GRIP1: variants seen among roughly 807,000 people sequenced by gnomAD.
GRIP1 encodes glutamate receptor interacting protein 1, also known as glutamate receptor-interacting protein 1.
GRIP1 carries 45 observed loss-of-function variants against 129.9 expected under a neutral mutation model. The ratio of observed to expected loss-of-function variants is 0.35; its 90% CI spans 0.27 to 0.44. GRIP1 has a LOEUF of 0.44. GRIP1 is among the 20% of genes least tolerant of loss of function. The pLI is 1.00. For synonymous variants in GRIP1, 530 were observed against 520.8 expected (o/e 1.02, Z -0.24); for missense variants, 1,196 against 1,396.8 (o/e 0.86, Z 2.29).
intron 16 of GRIP1, among the ~76,000 whole-genome samples, chr12:66,401,058 A>G (rs897967928): frequency 6.6e-6 from 1 of 152,234 alleles, no homozygotes; most frequent in African/African-American, 2.4e-5. Context: ...ACATTCCTTC[A>G]GTAATGGAAG....
chr12:66,695,471 C>A (rs1027432150), intron 1 of GRIP1, among the ~76,000 whole-genome samples: 1 of 152,066 alleles, frequency 6.6e-6, no homozygotes, highest in Admixed American at 6.6e-5. Flanking sequence ...GTGGTTGGCT[C>A]CACTCCTCCT....
intron 22 of GRIP1, among the ~76,000 whole-genome samples, chr12:66,373,070 C>A (rs1672303060): frequency 6.6e-6 from 1 of 152,042 alleles, no homozygotes; most frequent in African/African-American, 2.4e-5. Context: ...ACTGTTACTT[C>A]TCTCAATTTA....
chr12:66,908,911 T>G (rs1226041730), intron 1 of GRIP1, among the ~76,000 whole-genome samples: 1 of 152,158 alleles, frequency 6.6e-6, no homozygotes, highest in African/African-American at 2.4e-5. Context: ...AAGCCTGCAT[T>G]GCCATCAAGA....
At position 66,445,372 on chromosome 12, in the gene GRIP1, G is replaced by T. The variant is rs778771382; in HGVS notation, c.1491C>A (p.Leu497=). ...LQGSVFATET[L]SSPPLISYIE... is the part of the protein sequence containing the mutation. ...TATAGGAAATCAGAGGTGGAGAAGA[G>T]AGAGTTTCTGTGGCAAACACACTGC... is the stretch of plus-strand genomic sequence containing the variant. The change falls in exon 12 of 25, where the codon CTC becomes CTA. Residue 497 remains leucine, a synonymous_variant. Coordinates refer to ENST00000359742, the MANE Select transcript of GRIP1 (RefSeq NM_001366722.1). 4 of 1,614,220 alleles carry T rather than the reference G, an allele frequency of 2.5e-6. No individual in the cohort carries two copies. The highest frequency in any genetic ancestry group is 3.4e-6 in the Non-Finnish European group (4 of 1,180,018).
intron 2 of GRIP1, among the ~76,000 whole-genome samples, chr12:66,579,270 C>G (rs1434852696): frequency 1.3e-5 from 2 of 152,138 alleles, no homozygotes; most frequent in African/African-American, 2.4e-5. Flanking sequence ...ACATCACCAT[C>G]ATCAAAGACC....
At chr12:66,986,980 C>T (rs1049607222) in intron 1 of GRIP1, among the ~76,000 whole-genome samples, 4 of 152,078 alleles carry the variant, frequency 2.6e-5, no homozygotes, top group Admixed American at 1.3e-4. Context: ...TATATAAGAA[C>T]TTTACCTGTT....
At chr12:66,636,713 CTCTGTGTG>C (rs1157865263) in intron 1 of GRIP1, among the ~76,000 whole-genome samples, 1 of 101,130 alleles carries the variant, frequency 9.9e-6, no homozygotes, top group Non-Finnish European at 2.0e-5. Flanking sequence ...GACATTAGAT[CTCTGTGTG>C]TGTGTGTGTG....
chr12:66,482,438 C>T (rs1296369368), intron 7 of GRIP1, among the ~76,000 whole-genome samples: 1 of 152,174 alleles, frequency 6.6e-6, no homozygotes, highest in African/African-American at 2.4e-5. Context: ...TACTGTTTTC[C>T]AGCATTATCC....
At chr12:66,787,921 C>T (rs554723768) in intron 1 of GRIP1, among the ~76,000 whole-genome samples, 8 of 152,146 alleles carry the variant, frequency 5.3e-5, no homozygotes, top group South Asian at 4.2e-4. Context: ...TCAGCCAAGG[C>T]GCCTTATTGT....
At position 66,455,511 on chromosome 12, in the gene GRIP1, T is replaced by G; in HGVS notation, c.1252A>C (p.Ser418Arg). The change falls in exon 11 of 25, where the codon AGT becomes CGT. Residue 418 changes from serine (S) to arginine (R), a missense_variant. By Grantham distance (110) the Ser-to-Arg change is moderately radical. Around this residue, in one of 5 missense-constraint regions of GRIP1, gnomAD observed 508 missense variants for 587.0 expected, o/e 0.87. Coordinates refer to ENST00000359742, the MANE Select transcript of GRIP1 (RefSeq NM_001366722.1). ...GGTAGAGTCCCCATGTTCAGGGAAC[T>G]CAGGCTGTATGCACTCATGGAGGTA... The part of the protein sequence containing the change: ...SPTSMSAYSL[S>R]SLNMGTLPRS... The G allele has an allele frequency of 1.2e-6, 2 of 1,613,860 alleles. No individual in the cohort carries two copies. Among genetic ancestry groups the G allele is most frequent in the Non-Finnish European group, 1.7e-6 (2 of 1,179,744 alleles).
intron 7 of GRIP1, among the ~76,000 whole-genome samples, chr12:66,473,894 T>TA (rs1342959958): frequency 6.6e-6 from 1 of 152,102 alleles, no homozygotes; most frequent in East Asian, 1.9e-4. Flanking sequence ...GCAAAAAGCC[T>TA]AAAAATTCAA....
At chr12:66,660,857 T>A (rs1214323007) in intron 1 of GRIP1, among the ~76,000 whole-genome samples, 2 of 152,096 alleles carry the variant, frequency 1.3e-5, no homozygotes, top group Non-Finnish European at 2.9e-5. Flanking sequence ...TTGCAGAGCA[T>A]CCAATAAATT....
intron 19 of GRIP1, among the ~76,000 whole-genome samples, chr12:66,391,046 A>G (rs947516374): frequency 6.6e-6 from 1 of 151,248 alleles, no homozygotes; most frequent in African/African-American, 2.4e-5. Flanking sequence ...TCTCCCTTCC[A>G]TTTTTGTTTT....
intron 1 of GRIP1, among the ~76,000 whole-genome samples, chr12:66,719,583 C>A (rs2035996868): frequency 6.6e-6 from 1 of 152,094 alleles, no homozygotes; most frequent in African/African-American, 2.4e-5. Flanking sequence ...TCATCTTTTT[C>A]CAATTTACCA....
chr12:66,735,748 C>A (rs2036574912), intron 1 of GRIP1, among the ~76,000 whole-genome samples: 1 of 152,096 alleles, frequency 6.6e-6, no homozygotes, highest in Non-Finnish European at 1.5e-5. Flanking sequence ...ATAAGCAGGG[C>A]AATCGATCAT....
At chr12:66,606,089 T>TAAC (rs2064513407) in intron 1 of GRIP1, among the ~76,000 whole-genome samples, 1 of 152,160 alleles carries the variant, frequency 6.6e-6, no homozygotes, top group Non-Finnish European at 1.5e-5. Context: ...CTTAAGTGTG[T>TAAC]AACGGCCTTA....
At chr12:66,627,466 G>A (rs2030220412) in intron 1 of GRIP1, among the ~76,000 whole-genome samples, 1 of 152,246 alleles carries the variant, frequency 6.6e-6, no homozygotes, top group South Asian at 2.1e-4. Context: ...TCTGACAAGT[G>A]TCAAAGCTGA....
chr12:66,721,952 A>C (rs1468749246), intron 1 of GRIP1, among the ~76,000 whole-genome samples: 2 of 152,192 alleles, frequency 1.3e-5, no homozygotes, highest in African/African-American at 2.4e-5. Flanking sequence ...CAGCTTTCAC[A>C]GAATGGAAGA....
At chr12:66,908,918 A>G (rs1331246347) in intron 1 of GRIP1, among the ~76,000 whole-genome samples, 1 of 152,184 alleles carries the variant, frequency 6.6e-6, no homozygotes, top group African/African-American at 2.4e-5. Flanking sequence ...CATTGCCATC[A>G]AGACTGCCTC....
Sources: allele counts gnomAD v4.1 joint callset (sites outside exome capture counted in the v4.1 genomes callset), GRCh38; gene constraint gnomAD v4.1.1; regional missense constraint gnomAD v4.1.1; transcripts MANE v1.5; gene names NCBI Gene and HGNC (gene_info 2026-07-23, HGNC 2026-07-21).